Variants in RBFOX1 observed in about 807,000 individuals in gnomAD.
RBFOX1 encodes RNA binding fox-1 homolog 1.
Under a neutral mutation model 57.7 loss-of-function variants are expected in RBFOX1, and 8 were observed. That is an observed-to-expected ratio of 0.14 (90% CI 0.08 to 0.25). RBFOX1 has a LOEUF of 0.25. Ranked by LOEUF, RBFOX1 falls within the 10% of genes least tolerant of loss-of-function variation. The probability of loss-of-function intolerance (pLI) is 1.00; values close to 1 mark genes in which losing one functional copy is unlikely to be tolerated. For synonymous variants in RBFOX1, 326 were observed against 222.4 expected, an observed-to-expected ratio of 1.47 and a Z score of -4.15; for missense variants, 611 against 548.5, an observed-to-expected ratio of 1.11 and a Z score of -1.14.
At chr16:5,496,426 T>C (rs1278580825) in intron 2 of RBFOX1, among the ~76,000 whole-genome samples, 2 of 152,106 alleles carry the variant, frequency 1.3e-5, no homozygotes, top group Non-Finnish European at 2.9e-5. Flanking sequence ...TTCTCACTAT[T>C]CAGCTTCATC....
At chr16:6,427,316 T>G (rs1409041105) in intron 2 of RBFOX1, among the ~76,000 whole-genome samples, 2 of 152,200 alleles carry the variant, frequency 1.3e-5, no homozygotes, top group Non-Finnish European at 2.9e-5. Context: ...ATCTTATGTT[T>G]ACATTATTCT....
intron 2 of RBFOX1, among the ~76,000 whole-genome samples, chr16:6,574,207 C>T (rs945495661): frequency 2.6e-5 from 4 of 152,042 alleles, no homozygotes; most frequent in Non-Finnish European, 5.9e-5. Flanking sequence ...CTCTAGTCCT[C>T]AGTTTTCTTA....
chr16:7,542,738 G>A (rs541925241), intron 5 of RBFOX1, among the ~76,000 whole-genome samples: 2 of 143,204 alleles, frequency 1.4e-5, no homozygotes, highest in South Asian at 2.3e-4. Flanking sequence ...ATGGTGGCAC[G>A]CACCTGTAAT....
At chr16:7,540,903 A>G (rs1601349951) in intron 5 of RBFOX1, among the ~76,000 whole-genome samples, 2 of 152,298 alleles carry the variant, frequency 1.3e-5, no homozygotes. Context: ...ATTCATCCCA[A>G]CACCATTTAC....
intron 10 of RBFOX1, among the ~76,000 whole-genome samples, chr16:7,628,747 G>A (rs1284180143): frequency 6.6e-6 from 1 of 151,982 alleles, no homozygotes; most frequent in Non-Finnish European, 1.5e-5. Context: ...TGAGTAGCTG[G>A]AATTACAGGC....
chr16:6,189,540 G>C (rs747955798), intron 1 of RBFOX1, among the ~76,000 whole-genome samples: 2 of 152,184 alleles, frequency 1.3e-5, no homozygotes, highest in Non-Finnish European at 2.9e-5. Flanking sequence ...GCTTAGGTGC[G>C]GGAGCACTCA....
At chr16:7,079,354 G>T (rs116269101) in intron 4 of RBFOX1, among the ~76,000 whole-genome samples, 1,527 of 152,278 alleles carry the variant, frequency 0.01, 30 homozygotes, top group African/African-American at 0.035. Flanking sequence ...GGGGAGCAGA[G>T]GAAAGGTATG....
chr16:7,315,647 A>AATAT lies in RBFOX1; in HGVS notation c.28-202483_28-202480dup, dbSNP rs5815396. Among the ~76,000 whole-genome samples the AATAT allele has an allele frequency of 1.1e-3, 165 of 148,882 alleles. 1 individual carries two copies. The highest frequency in any genetic ancestry group is 3.4e-3 in the Middle Eastern group (1 of 290). ...AGCCTTCCTGAAAAGTGGAGAACAG[A>AATAT]ATATATATATATATATATATGGAAC... On this transcript the variant is annotated intron_variant, in intron 4 of 15. Coordinates refer to ENST00000550418, the MANE Select transcript of RBFOX1 (RefSeq NM_018723.4).
Position 6,530,876 on chromosome 16 carries a change from A to G in RBFOX1, c.-63-123727A>G, listed in dbSNP as rs190838391. 8.7e-4 allele frequency among the ~76,000 whole-genome samples: 132 copies of G among 152,292 alleles called. 1 individual carries two copies. Among genetic ancestry groups the G allele is most frequent in the African/African-American group, 3.1e-3 (127 of 41,566 alleles). ...ACAACATGTGGGAATTGTAAGAGAT[A>G]TAATTCAAGATGAGATTTGCATAGG... On this transcript the variant is annotated intron_variant, in intron 2 of 15. Coordinates refer to ENST00000550418, the MANE Select transcript of RBFOX1 (RefSeq NM_018723.4).
At chr16:7,692,400 A>G (rs2147509872) in intron 14 of RBFOX1, among the ~76,000 whole-genome samples, 1 of 152,260 alleles carries the variant, frequency 6.6e-6, no homozygotes, top group African/African-American at 2.4e-5. Context: ...CCATCACTAG[A>G]TACCTTTTGA....
intron 2 of RBFOX1, among the ~76,000 whole-genome samples, chr16:6,569,405 T>C (rs1481695585): frequency 6.6e-6 from 1 of 152,196 alleles, no homozygotes; most frequent in African/African-American, 2.4e-5. Context: ...TTTGCCAGAC[T>C]AAGGGCACTT....
At chr16:5,489,848 G>A (rs1242446072) in intron 2 of RBFOX1, among the ~76,000 whole-genome samples, 1 of 152,198 alleles carries the variant, frequency 6.6e-6, no homozygotes, top group Non-Finnish European at 1.5e-5. Flanking sequence ...GAACTCCCAA[G>A]CTGTCTTTTT....
intron 1 of RBFOX1, among the ~76,000 whole-genome samples, chr16:6,163,078 G>C (rs1338430434): frequency 6.6e-6 from 1 of 152,082 alleles, no homozygotes; most frequent in Non-Finnish European, 1.5e-5. Flanking sequence ...GACAAAATGA[G>C]ACCCAGAGAA....
At chr16:6,758,491 T>A (rs1414047644) in intron 3 of RBFOX1, among the ~76,000 whole-genome samples, 1 of 152,118 alleles carries the variant, frequency 6.6e-6, no homozygotes, top group Non-Finnish European at 1.5e-5. Context: ...CACTGATTAA[T>A]TGACGTGAGA....
chr16:6,763,578 C>T (rs2076930486), intron 3 of RBFOX1, among the ~76,000 whole-genome samples: 2 of 152,198 alleles, frequency 1.3e-5, no homozygotes. Flanking sequence ...AATAAGCTAT[C>T]ATTGACCATT....
chr16:7,544,741 A>T (rs1601455120), intron 5 of RBFOX1, among the ~76,000 whole-genome samples: 2 of 152,314 alleles, frequency 1.3e-5, no homozygotes, highest in Non-Finnish European at 2.9e-5. Context: ...ATAATATGTT[A>T]TGGCAGTCCT....
At chr16:5,597,982 A>C (rs1009182289) in intron 2 of RBFOX1, among the ~76,000 whole-genome samples, 6 of 152,124 alleles carry the variant, frequency 3.9e-5, no homozygotes, top group Non-Finnish European at 8.8e-5. Flanking sequence ...CCTAGTAAGG[A>C]TTCAGGGTGA....
Position 6,599,172 on chromosome 16 carries a change from C to G in RBFOX1, c.-63-55431C>G, listed in dbSNP as rs113081025. Among the ~76,000 whole-genome samples, 411 of 152,210 alleles carry G rather than the reference C, an allele frequency of 2.7e-3. 2 individuals carry two copies. Among genetic ancestry groups the G allele is most frequent in the Middle Eastern group, 0.01 (3 of 294 alleles). On this transcript the variant is annotated intron_variant, in intron 2 of 15. Coordinates refer to ENST00000550418, the MANE Select transcript of RBFOX1 (RefSeq NM_018723.4). ...TTGTACAAATTTTTCTCTTCTAACC[C>G]ACATGTTTCTACTGTTCTCATCCAA...
intron 5 of RBFOX1, among the ~76,000 whole-genome samples, chr16:7,538,757 A>G (rs901319759): frequency 6.6e-6 from 1 of 152,186 alleles, no homozygotes; most frequent in Non-Finnish European, 1.5e-5. Context: ...AGCTTGGTAC[A>G]TATACCACTT....
Sources: allele counts gnomAD v4.1 joint callset (sites outside exome capture counted in the v4.1 genomes callset), GRCh38; gene constraint gnomAD v4.1.1; transcripts MANE v1.5; gene names NCBI Gene and HGNC (gene_info 2026-07-23, HGNC 2026-07-21).